NIBAN1: variants seen among roughly 807,000 people sequenced by gnomAD.
NIBAN1 encodes protein Niban 1.
A neutral mutation model predicts 75.1 loss-of-function variants in NIBAN1; 81 were observed. The ratio of observed to expected loss-of-function variants is 1.08; its 90% CI spans 0.90 to 1.30. NIBAN1 has a LOEUF of 1.30. Among genes scored for constraint, NIBAN1 ranks in the 50% most tolerant of loss-of-function variants. The pLI is 0.00. For missense variants in NIBAN1, 1,133 were observed against 1,128.1 expected, an observed-to-expected ratio of 1.00 and a Z score of -0.06; for synonymous variants, 436 against 424.8, an observed-to-expected ratio of 1.03 and a Z score of -0.32.
intron 5 of NIBAN1, among the ~76,000 whole-genome samples, chr1:184,838,140 C>T (rs1655187468): frequency 6.6e-6 from 1 of 152,160 alleles, no homozygotes; most frequent in South Asian, 2.1e-4. Flanking sequence ...AATCCTTATA[C>T]CTTTTTCATA....
intron 5 of NIBAN1, among the ~76,000 whole-genome samples, chr1:184,875,024 A>G (rs575605743): frequency 3.7e-4 from 56 of 152,328 alleles, no homozygotes; most frequent in African/African-American, 1.3e-3. Flanking sequence ...AATAATTGAC[A>G]TAGAGTATAT....
At chr1:184,944,556 G>C (rs922096122) in intron 1 of NIBAN1, among the ~76,000 whole-genome samples, 4 of 152,258 alleles carry the variant, frequency 2.6e-5, no homozygotes, top group Admixed American at 1.3e-4. Context: ...AATGGACTTT[G>C]GGTAGGGTTG....
intron 5 of NIBAN1, among the ~76,000 whole-genome samples, chr1:184,839,887 G>A (rs558519627): frequency 6.6e-6 from 1 of 152,024 alleles, no homozygotes; most frequent in Non-Finnish European, 1.5e-5. Context: ...GTGAGCCACC[G>A]AGCCTGGCCT....
At chr1:184,938,384 G>A (rs1004693489) in intron 1 of NIBAN1, among the ~76,000 whole-genome samples, 1 of 152,010 alleles carries the variant, frequency 6.6e-6, no homozygotes, top group African/African-American at 2.4e-5. Flanking sequence ...CAAGATTCTC[G>A]AGTTATGTCT....
intron 5 of NIBAN1, among the ~76,000 whole-genome samples, chr1:184,881,090 CAT>C (rs1342898986): frequency 6.7e-6 from 1 of 149,096 alleles, no homozygotes; most frequent in Non-Finnish European, 1.5e-5. Context: ...TGAAAGTGCA[CAT>C]GTGAGCATGC....
chr1:184,910,796 G>A (rs1657221736), intron 1 of NIBAN1, among the ~76,000 whole-genome samples: 1 of 152,120 alleles, frequency 6.6e-6, no homozygotes, highest in Non-Finnish European at 1.5e-5. Context: ...CAATGTGGGT[G>A]GCCCTCATCC....
At chr1:184,808,517 G>A (rs758372214) in intron 9 of NIBAN1, among the ~76,000 whole-genome samples, 124 of 152,180 alleles carry the variant, frequency 8.1e-4, no homozygotes, top group Non-Finnish European at 1.5e-3. Flanking sequence ...GTAAGCTGTT[G>A]ATGGACTCTA....
intron 1 of NIBAN1, among the ~76,000 whole-genome samples, chr1:184,954,284 T>C (rs758993462): frequency 2.2e-4 from 33 of 152,144 alleles, no homozygotes; most frequent in Non-Finnish European, 2.5e-4. Context: ...CAAAAGAGAA[T>C]GAAACTCATC....
chr1:184,873,176 A>T (rs1469718801), intron 5 of NIBAN1, among the ~76,000 whole-genome samples: 1 of 152,244 alleles, frequency 6.6e-6, no homozygotes, highest in Non-Finnish European at 1.5e-5. Context: ...TTCTCATGAG[A>T]GAATGAGATA....
rs757707889 is a variant in NIBAN1 at position 184,894,167 on chromosome 1, G to C, written c.226C>G (p.Leu76Val). 97 of 1,611,840 alleles carry C rather than the reference G, an allele frequency of 6.0e-5. No homozygotes were observed. Among genetic ancestry groups the C allele is most frequent in the Non-Finnish European group, 7.9e-5 (93 of 1,179,194 alleles). Residue 76 changes from leucine to valine, a missense_variant, in exon 3 of 14, where the codon CTA (leucine) becomes GTA (valine). By Grantham distance (32) the Leu-to-Val change is conservative (BLOSUM62 1). Coordinates refer to ENST00000367511, the MANE Select transcript of NIBAN1 (RefSeq NM_052966.4). ...APGTILYEAE[L>V]SQFSEDIKKW... ...TTTATGTCTTCAGAAAATTGTGATA[G>C]CTCTGCTTCATACAAAATAGTTCCA...
At chr1:184,841,608 G>C (rs1160990522) in intron 5 of NIBAN1, among the ~76,000 whole-genome samples, 1 of 152,202 alleles carries the variant, frequency 6.6e-6, no homozygotes, top group East Asian at 1.9e-4. Flanking sequence ...ATCTTCAATG[G>C]AACAGAGGGC....
intron 5 of NIBAN1, among the ~76,000 whole-genome samples, chr1:184,878,602 T>C (rs1392002920): frequency 6.6e-6 from 1 of 152,202 alleles, no homozygotes; most frequent in Admixed American, 6.5e-5. Context: ...AAGCCAGATA[T>C]ACTCCAGGTC....
chr1:184,942,144 T>C (rs866349089), intron 1 of NIBAN1, among the ~76,000 whole-genome samples: 1 of 152,244 alleles, frequency 6.6e-6, no homozygotes, highest in African/African-American at 2.4e-5. Flanking sequence ...ACACAAATTA[T>C]TGATCTGAAG....
chr1:184,841,957 T>A (rs535023388), intron 5 of NIBAN1, among the ~76,000 whole-genome samples: 3 of 152,134 alleles, frequency 2.0e-5, no homozygotes, highest in Non-Finnish European at 4.4e-5. Context: ...TCCAAAAGGA[T>A]AGGGTGCTGC....
intron 9 of NIBAN1, among the ~76,000 whole-genome samples, chr1:184,818,270 G>T (rs1472619621): frequency 6.6e-6 from 1 of 152,148 alleles, no homozygotes; most frequent in East Asian, 1.9e-4. Flanking sequence ...ATTTCTATTA[G>T]TTAATTCAAG....
chr1:184,803,561 C>G (rs1175277722), intron 12 of NIBAN1, 24 bp downstream of exon 12: 3 of 1,590,340 alleles, frequency 1.9e-6, no homozygotes, highest in African/African-American at 2.7e-5. Context: ...AGAGCAAGCT[C>G]TTTAGGGTAA....
intron 5 of NIBAN1, among the ~76,000 whole-genome samples, chr1:184,866,318 G>A (rs1057003042): frequency 6.6e-6 from 1 of 152,136 alleles, no homozygotes; most frequent in African/African-American, 2.4e-5. Flanking sequence ...GTGTTCTGGT[G>A]GAAATGACAT....
Position 184,823,298 on chromosome 1 carries a change from T to G in NIBAN1, c.854A>C (p.His285Pro). The G allele has an allele frequency of 3.7e-6, 6 of 1,614,182 alleles. No individual in the cohort carries two copies. The highest frequency in any genetic ancestry group is 5.1e-6 in the Non-Finnish European group (6 of 1,180,028). ...LLEEAYTLVQHQVSEGLSALK... is the reference protein window; with the variant it reads ...LLEEAYTLVQPQVSEGLSALK... ...GGCACTTAATCCTTCTGAAACTTGA[T>G]GCTGAACCAGGGTGTAGGCCTCCTC... Residue 285 changes from histidine to proline, a missense_variant, in exon 8 of 14, where the codon CAT (histidine) becomes CCT (proline). Coordinates refer to ENST00000367511, the MANE Select transcript of NIBAN1 (RefSeq NM_052966.4).
intron 1 of NIBAN1, among the ~76,000 whole-genome samples, chr1:184,909,942 C>G (rs1657198098): frequency 6.6e-6 from 1 of 152,148 alleles, no homozygotes; most frequent in African/African-American, 2.4e-5. Context: ...ACCCCCAAAG[C>G]TATGGTACAT....
Sources: allele counts gnomAD v4.1 joint callset (sites outside exome capture counted in the v4.1 genomes callset), GRCh38; gene constraint gnomAD v4.1.1; transcripts MANE v1.5; gene names NCBI Gene and HGNC (gene_info 2026-07-23, HGNC 2026-07-21).